The following SOX5 variants were observed in gnomAD, a reference collection of about 807,000 sequenced individuals.
SOX5 encodes SRY-box transcription factor 5.
SOX5 carries 9 observed loss-of-function variants against 92.0 expected under a neutral mutation model. The observed-to-expected ratio is 0.10, with a 90% confidence interval of 0.06 to 0.17. The LOEUF is 0.17. Among genes scored for constraint, SOX5 ranks in the 10% least tolerant of loss-of-function variants. The pLI is 1.00. For missense variants in SOX5, 642 were observed against 944.5 expected (o/e 0.68, Z 4.20); for synonymous variants, 344 against 336.3 (o/e 1.02, Z -0.25).
chr12:23,820,502 C>G (rs1055623417), intron 3 of SOX5, among the ~76,000 whole-genome samples: 2 of 152,130 alleles, frequency 1.3e-5, no homozygotes, highest in African/African-American at 4.8e-5. Flanking sequence ...TTTGCCCATG[C>G]CTATGTCCTG....
chr12:23,800,457 G>T (rs2095640170), intron 3 of SOX5, among the ~76,000 whole-genome samples: 2 of 152,032 alleles, frequency 1.3e-5, no homozygotes, highest in Admixed American at 1.3e-4. Flanking sequence ...AGTGTGCAAA[G>T]GATGCTTAAA....
intron 6 of SOX5, among the ~76,000 whole-genome samples, chr12:23,700,780 T>C (rs537454941): frequency 3.9e-5 from 6 of 152,174 alleles, no homozygotes; most frequent in South Asian, 2.1e-4. Context: ...TGAAACTAGA[T>C]TACTCAGAAG....
At chr12:23,620,742 T>C (rs2077074363) in intron 8 of SOX5, among the ~76,000 whole-genome samples, 1 of 152,140 alleles carries the variant, frequency 6.6e-6, no homozygotes, top group African/African-American at 2.4e-5. Flanking sequence ...TTGACTTTTT[T>C]GATCACAATA....
At chr12:23,726,154 A>T (rs1177721616) in intron 6 of SOX5, among the ~76,000 whole-genome samples, 1 of 47,434 alleles carries the variant, frequency 2.1e-5, no homozygotes, top group African/African-American at 6.4e-5. Context: ...AGAGAGAGAG[A>T]GAGAGAGAGA....
chr12:24,159,183 TCC>T (rs1952504098), intron 4 of SOX5, among the ~76,000 whole-genome samples: 1 of 114,442 alleles, frequency 8.7e-6, no homozygotes, highest in Admixed American at 8.4e-5. Context: ...CACTCATCTA[TCC>T]ATCCATCCAT....
intron 3 of SOX5, among the ~76,000 whole-genome samples, chr12:23,839,294 A>G (rs980360451): frequency 1.3e-5 from 2 of 152,116 alleles, no homozygotes; most frequent in Admixed American, 6.5e-5. Context: ...TTAGAAATCA[A>G]TATGATACAT....
intron 4 of SOX5, among the ~76,000 whole-genome samples, chr12:23,750,528 T>C (rs2094149241): frequency 1.3e-5 from 2 of 152,006 alleles, no homozygotes; most frequent in South Asian, 2.1e-4. Context: ...CATTACCCAA[T>C]AGTCTGGAGA....
intron 2 of SOX5, among the ~76,000 whole-genome samples, chr12:24,303,923 G>A (rs1446104401): frequency 6.6e-6 from 1 of 152,076 alleles, no homozygotes; most frequent in Non-Finnish European, 1.5e-5. Flanking sequence ...TGAAAATTGG[G>A]GAAAGACAAT....
rs562813555 is a variant in SOX5 at position 24,465,224 on chromosome 12, TAGAG to T, written c.-250-96589_-250-96586del. ...AAAACCACACAACTAATAAATGACA[TAGAG>T]AGAATTAAACACAAACTCTCCAACT... On this transcript the variant is annotated intron_variant, in intron 1 of 4. Coordinates refer to the SOX5 transcript ENST00000446891. 6.6e-5 allele frequency among the ~76,000 whole-genome samples: 10 copies of T among 152,298 alleles called. No homozygotes were observed. In the South Asian group the frequency reaches 1.5e-3, roughly 22 times the overall value.
At chr12:24,550,440 C>G (rs1244897177) in intron 1 of SOX5, among the ~76,000 whole-genome samples, 1 of 152,126 alleles carries the variant, frequency 6.6e-6, no homozygotes, top group Admixed American at 6.5e-5. Context: ...TCTGATGACC[C>G]TTTTAGAGAC....
At chr12:23,829,833 A>G (rs1456952423) in intron 3 of SOX5, among the ~76,000 whole-genome samples, 1 of 152,144 alleles carries the variant, frequency 6.6e-6, no homozygotes, top group African/African-American at 2.4e-5. Context: ...AAGAAAATGA[A>G]GGCTATAATC....
At chr12:24,376,951 T>A (rs1340368025) in intron 1 of SOX5, among the ~76,000 whole-genome samples, 1 of 151,486 alleles carries the variant, frequency 6.6e-6, no homozygotes, top group Non-Finnish European at 1.5e-5. Flanking sequence ...CCTCAAGCGA[T>A]CCTCCCACCT....
intron 3 of SOX5, among the ~76,000 whole-genome samples, chr12:24,236,939 T>C (rs1418375884): frequency 6.6e-6 from 1 of 151,932 alleles, no homozygotes; most frequent in South Asian, 2.1e-4. Context: ...TCTGGATTAC[T>C]CAGTGAATCC....
intron 1 of SOX5, among the ~76,000 whole-genome samples, chr12:24,401,743 A>G (rs1487033987): frequency 6.7e-6 from 1 of 150,008 alleles, no homozygotes; most frequent in East Asian, 1.9e-4. Flanking sequence ...AAAAATTGCA[A>G]AATATTTTTT....
intron 3 of SOX5, among the ~76,000 whole-genome samples, chr12:23,838,049 T>C (rs9668905): frequency 1.1e-5 from 1 of 90,848 alleles, no homozygotes; most frequent in Non-Finnish European, 2.3e-5. Flanking sequence ...TTATATAATA[T>C]ATATTTATAC....
In SOX5 at chr12:24,190,589, T is replaced by C. The variant is rs148435032; in HGVS notation, c.-2+22754A>G. On this transcript the variant is annotated intron_variant, in intron 4 of 4. Coordinates refer to the SOX5 transcript ENST00000446891. Reference sequence around the variant, plus strand: ...ATGACATTCAGTGTCAGTGACTTCATGTGACACTATAGACATTCTCTGGTC... The same window carrying C: ...ATGACATTCAGTGTCAGTGACTTCACGTGACACTATAGACATTCTCTGGTC... Among the ~76,000 whole-genome samples, 796 of 152,332 alleles carry C rather than the reference T, an allele frequency of 5.2e-3. 5 individuals are homozygous for C. The highest frequency in any genetic ancestry group is 0.018 in the African/African-American group (750 of 41,572).
At chr12:24,501,426 G>C (rs935514882) in intron 1 of SOX5, among the ~76,000 whole-genome samples, 2 of 150,858 alleles carry the variant, frequency 1.3e-5, no homozygotes, top group South Asian at 4.2e-4. Context: ...TACTCCAAAC[G>C]CATGTATATA....
At chr12:24,011,326 A>G (rs1006914924) in intron 4 of SOX5, among the ~76,000 whole-genome samples, 4 of 152,216 alleles carry the variant, frequency 2.6e-5, no homozygotes, top group African/African-American at 9.6e-5. Flanking sequence ...AGAAGTGGCC[A>G]CCATGGTGAT....
chr12:24,273,220 C>T (rs577269561), intron 3 of SOX5, among the ~76,000 whole-genome samples: 105 of 152,328 alleles, frequency 6.9e-4, no homozygotes, highest in African/African-American at 1.6e-3. Context: ...GATCAAGCCA[C>T]TGCACTCCAG....
Sources: allele counts gnomAD v4.1 joint callset (sites outside exome capture counted in the v4.1 genomes callset), GRCh38; gene constraint gnomAD v4.1.1; transcripts MANE v1.5; gene names NCBI Gene and HGNC (gene_info 2026-07-23, HGNC 2026-07-21).